The following MYBPC2 variants were observed in gnomAD, a reference collection of about 807,000 sequenced individuals.
The protein encoded by MYBPC2 is myosin-binding protein C, fast-type.
Under a neutral mutation model 137.0 loss-of-function variants are expected in MYBPC2, and 122 were observed. The observed-to-expected ratio is 0.89, with a 90% CI of 0.77 to 1.03. The LOEUF (loss-of-function observed/expected upper bound fraction) is 1.03, where lower values mean the gene tolerates loss of function less well. Ranked by LOEUF, MYBPC2 falls within the 50% of genes least tolerant of loss-of-function variation. The pLI is 0.00. For missense variants in MYBPC2, 1,500 were observed against 1,534.4 expected (o/e 0.98, Z 0.37); for synonymous variants, 626 against 612.3 (o/e 1.02, Z -0.33).
Position 50,460,045 on chromosome 19 carries a change from G to C in MYBPC2, c.2797G>C (p.Ala933Pro). The C allele has an allele frequency of 6.4e-7, 1 of 1,552,598 alleles. No individual in the cohort carries two copies. The highest frequency in any genetic ancestry group is 8.7e-7 in the Non-Finnish European group (1 of 1,147,854). Residue 933 changes from alanine to proline, a missense_variant, in exon 24 of 28, where the codon GCT (alanine) becomes CCT (proline). By Grantham distance (27) the Ala-to-Pro change is conservative. Transcript: ENST00000357701. ...TCACACTTCCCCATTTCCAGAAAAG[G>C]CTGGGCCCCCCATAAACGTGATGGT... ...ATIRIRVVEKAGPPINVMVKE... is the reference protein window; with the variant it reads ...ATIRIRVVEKPGPPINVMVKE...
At chr19:50,440,198 A>T (rs2039738009) in intron 7 of MYBPC2, among the ~76,000 whole-genome samples, 1 of 151,998 alleles carries the variant, frequency 6.6e-6, no homozygotes, top group South Asian at 2.1e-4. Flanking sequence ...CACAGGATAA[A>T]AGAGGACAAA....
intron 20 of MYBPC2, among the ~76,000 whole-genome samples, chr19:50,456,252 TCCATCCATCC>T (rs1568666566): frequency 6.8e-6 from 1 of 148,112 alleles, no homozygotes; most frequent in Non-Finnish European, 1.5e-5. Flanking sequence ...CATCCATCCA[TCCATCCATCC>T]CTCCATTTGT....
chr19:50,440,471 C>T (rs995442238), intron 7 of MYBPC2, among the ~76,000 whole-genome samples: 1 of 151,876 alleles, frequency 6.6e-6, no homozygotes, highest in African/African-American at 2.4e-5. Context: ...CGAGACCAGC[C>T]TGTCCAACAT....
chr19:50,452,191 A>T (rs1568664452), intron 16 of MYBPC2, among the ~76,000 whole-genome samples, 188 bp downstream of exon 16: 1 of 152,202 alleles, frequency 6.6e-6, no homozygotes, highest in East Asian at 1.9e-4. Context: ...TGCTCCATCC[A>T]TTCATCCATT....
intron 11 of MYBPC2, 100 bp from the exon 12 acceptor site, chr19:50,445,780 C>T (rs1265090598): frequency 6.6e-6 from 8 of 1,215,486 alleles, no homozygotes; most frequent in Non-Finnish European, 9.1e-6. Flanking sequence ...CGGGGACCTG[C>T]CTTCTGATCC....
At position 50,440,929 on chromosome 19, in the gene MYBPC2, C is replaced by T. The variant is rs1040548079; in HGVS notation, c.622C>T (p.Leu208=). The change falls in exon 8 of 28, where the codon CTA becomes TTA. Residue 208 remains leucine, a synonymous_variant. Coordinates refer to ENST00000357701, the MANE Select transcript of MYBPC2 (RefSeq NM_004533.4). ...GAAGAAAAAGAAAGATGACGATGAC[C>T]TAGGCATCCCCCCGGAGATTTGGGA... ...KKKKKKDDDD[L]GIPPEIWELL... The T allele has an allele frequency of 6.8e-6, 11 of 1,613,610 alleles. No individual in the cohort carries two copies. The highest frequency in any genetic ancestry group is 1.6e-4 in the Middle Eastern group (1 of 6,082).
rs1404041158 is a variant in MYBPC2, at chr19:50,443,568, A to G, written c.977A>G (p.Tyr326Cys). ...NKCTLADDAA[Y>C]EVAVKDEKCF... ...TGCACGCTGGCGGATGACGCTGCCTATGAAGTAGCTGTCAAGGATGAGAAG... is the reference window on the plus strand; with the variant it reads ...TGCACGCTGGCGGATGACGCTGCCTGTGAAGTAGCTGTCAAGGATGAGAAG... Residue 326 changes from tyrosine to cysteine, a missense_variant, in exon 10 of 28, where the codon TAT becomes TGT. Coordinates refer to ENST00000357701, the MANE Select transcript of MYBPC2 (RefSeq NM_004533.4). 24 of 1,613,042 alleles carry G rather than the reference A, an allele frequency of 1.5e-5. No homozygotes were observed. Among genetic ancestry groups the G allele is most frequent in the Admixed American group, 1.7e-5 (1 of 59,798 alleles).
intron 9 of MYBPC2, 75 bp downstream of exon 9, chr19:50,442,388 A>T: frequency 1.3e-6 from 2 of 1,540,696 alleles, no homozygotes; most frequent in South Asian, 1.2e-5. Context: ...AAGGCCTATC[A>T]CTCTTAACCA....
At chr19:50,452,516 C>CTATCTATG (rs1568664675) in intron 16 of MYBPC2, among the ~76,000 whole-genome samples, 1 of 84,148 alleles carries the variant, frequency 1.2e-5, no homozygotes, top group Non-Finnish European at 2.6e-5. Context: ...ATGTATCTAT[C>CTATCTATG]TATCTATCTA....
intron 20 of MYBPC2, among the ~76,000 whole-genome samples, chr19:50,457,677 A>G (rs1190483973): frequency 7.7e-6 from 1 of 130,182 alleles, no homozygotes; most frequent in African/African-American, 3.3e-5. Context: ...GTACCTGGGG[A>G]AAGTTTTTTT....
At chr19:50,456,237 C>G (rs2039910659) in intron 20 of MYBPC2, among the ~76,000 whole-genome samples, 2 of 98,932 alleles carry the variant, frequency 2.0e-5, no homozygotes. Context: ...ATTCATCCAT[C>G]CATCCATCCA....
chr19:50,459,416 G>A (rs1161763901), intron 23 of MYBPC2, 110 bp downstream of exon 23: 1 of 1,139,670 alleles, frequency 8.8e-7, no homozygotes, highest in Non-Finnish European at 1.2e-6. Flanking sequence ...ATGAAGGGTG[G>A]GAGAGGAGGT....
intron 26 of MYBPC2, among the ~76,000 whole-genome samples, chr19:50,462,556 C>T (rs1306556081): frequency 2.6e-5 from 4 of 151,994 alleles, no homozygotes; most frequent in Non-Finnish European, 4.4e-5. Flanking sequence ...CAATCAATCA[C>T]ATCTTGCCTT....
rs555953246 is a variant in MYBPC2 at position 50,465,422 on chromosome 19, G to A, written c.3416-773G>A. Among the ~76,000 whole-genome samples the A allele has an allele frequency of 5.9e-4, 90 of 152,328 alleles. No individual in the cohort carries two copies. The highest frequency in any genetic ancestry group is 6.8e-3 in the Middle Eastern group (2 of 294). ...GAGGCCACTAACCGTGTCCCTCAGA[G>A]CAGGATGACATCAATGTGGACTTCC... On this transcript the variant is annotated intron_variant, in intron 27 of 27. Transcript: ENST00000357701. The surrounding 1 kb of genome is among the most constrained non-coding windows in gnomAD (Gnocchi z 4.5).
At chr19:50,433,085 G>C (rs951133153) in intron 1 of MYBPC2, 113 bp downstream of exon 1, 4 of 1,339,850 alleles carry the variant, frequency 3.0e-6, no homozygotes, top group Non-Finnish European at 4.0e-6. Context: ...GCTGTGTGAG[G>C]AGGAGGCTCC....
Position 50,435,279 on chromosome 19 carries a change from G to T in MYBPC2, c.109+29G>T, listed in dbSNP as rs765819878. 2 of 807,704 alleles carry T rather than the reference G, an allele frequency of 2.5e-6. No individual in the cohort carries two copies. The allele number at this position is 807,704 out of a possible 1,614,324, so 50.0% of individuals were successfully genotyped here. A position where few individuals can be genotyped will look rare whatever the true frequency, so the allele number is the denominator to read the frequency against. ...AGGAGGTGCTCCCTCGGGCTCAACC[G>T]ACCTGGCTTCTCATCTCCATCCTCC... On this transcript the variant is annotated intron_variant, in intron 2 of 27. Coordinates refer to ENST00000357701, the MANE Select transcript of MYBPC2 (RefSeq NM_004533.4). This position sits in a 1 kb window ranked among gnomAD's most constrained non-coding sequence, Gnocchi z 4.8.
intron 7 of MYBPC2, among the ~76,000 whole-genome samples, chr19:50,440,662 C>CA (rs59564151): frequency 0.042 from 4,187 of 99,180 alleles, 241 homozygotes; most frequent in African/African-American, 0.13. Flanking sequence ...GAATCTGTCT[C>CA]AAAAAAAAAA....
At chr19:50,457,037 C>A (rs116889290) in intron 20 of MYBPC2, among the ~76,000 whole-genome samples, 1 of 152,214 alleles carries the variant, frequency 6.6e-6, no homozygotes, top group Admixed American at 6.5e-5. Context: ...TAAAGTCAGA[C>A]AGATGCGGGT....
At position 50,451,605 on chromosome 19, in the gene MYBPC2, T is replaced by C. The variant is rs1399476834; in HGVS notation, c.1610-259T>C. On this transcript the variant is annotated intron_variant, in intron 15 of 27. Transcript: ENST00000357701. ...GGGAGGAGGGGCTGGGGGCCTAGAC[T>C]GTAGGGTGTGAGGGAGGAGGGGTTG... Among the ~76,000 whole-genome samples, 3 of 116,990 alleles carry C rather than the reference T, an allele frequency of 2.6e-5. No individual in the cohort carries two copies. The Admixed American group carries it at 2.9e-4, about 11-fold the overall frequency. The allele number at this position is 116,990 out of a possible 152,430, so 76.7% of individuals were successfully genotyped here.
Sources: gnomAD v4.1 joint callset for allele counts (sites outside exome capture counted in the v4.1 genomes callset) on GRCh38, gnomAD v4.1.1 for gene constraint, Gnocchi (gnomAD v3.1) non-coding constraint, MANE v1.5 for transcripts, NCBI Gene and HGNC (gene_info 2026-07-23, HGNC 2026-07-21) for gene names.